Variants in PRKCQ observed in about 807,000 individuals in gnomAD.
The protein encoded by PRKCQ is protein kinase C theta type.
PRKCQ carries 41 observed loss-of-function variants against 91.2 expected under a neutral mutation model. The observed-to-expected ratio is 0.45, with a 90% confidence interval of 0.35 to 0.58. The LOEUF is 0.58. Ranked by LOEUF, PRKCQ falls within the 20% of genes least tolerant of loss-of-function variation. PRKCQ has a pLI of 0.00. For synonymous variants in PRKCQ, 307 were observed against 316.9 expected, an observed-to-expected ratio of 0.97 and a Z score of 0.33; for missense variants, 673 against 896.5, an observed-to-expected ratio of 0.75 and a Z score of 3.18.
At chr10:6,405,222 A>G in the PRKCQ span, among the ~76,000 whole-genome samples, 2 of 152,166 alleles carry the variant, frequency 1.3e-5, no homozygotes, top group African/African-American at 4.8e-5. Context: ...AGCTAAAGCA[A>G]TCTGCCCATC....
In PRKCQ at chr10:6,464,316, G is replaced by A. The variant is rs770093970; in HGVS notation, c.1442C>T (p.Ala481Val). 2.9e-5 allele frequency: 46 copies of A among 1,612,992 alleles called. No individual in the cohort carries two copies. In the Admixed American group the frequency reaches 3.2e-4, roughly 11 times the overall value. The change falls in exon 13 of 18, where the codon GCG (alanine) becomes GTG (valine). Residue 481 changes from alanine (A) to valine (V), a missense_variant. Ala to Val is a moderately conservative substitution (Grantham distance 64, BLOSUM62 0). Transcript: ENST00000263125. Reference protein sequence around the residue: ...QSCHKFDLSRATFYAAEIILG... With the variant: ...QSCHKFDLSRVTFYAAEIILG... ...CAAACCCTTTAAAGCCTCTTACGTCGCTCTGGAAAGGTCGAACTTGTGGCA... is the reference window on the plus strand; with the variant it reads ...CAAACCCTTTAAAGCCTCTTACGTCACTCTGGAAAGGTCGAACTTGTGGCA...
intron 15 of PRKCQ, among the ~76,000 whole-genome samples, chr10:6,449,478 G>A (rs1176712560): frequency 1.3e-5 from 2 of 152,294 alleles, no homozygotes; most frequent in East Asian, 1.9e-4. Context: ...GAAAGTGACA[G>A]GGAGAATGGA....
chr10:6,417,679 G>T, the PRKCQ span, among the ~76,000 whole-genome samples: 1 of 152,162 alleles, frequency 6.6e-6, no homozygotes, highest in African/African-American at 2.4e-5. Context: ...GAGTGGCCAC[G>T]TGAACATTCA....
At chr10:6,443,975 A>AT (rs1253312287) in intron 15 of PRKCQ, among the ~76,000 whole-genome samples, 1 of 152,184 alleles carries the variant, frequency 6.6e-6, no homozygotes, top group Admixed American at 6.5e-5. Context: ...GGGAGGGGGA[A>AT]TAGGGAGCTG....
chr10:6,396,920 T>TC, the PRKCQ span, among the ~76,000 whole-genome samples: 7 of 152,210 alleles, frequency 4.6e-5, no homozygotes, highest in Admixed American at 6.5e-5. Flanking sequence ...TTGGTTAATT[T>TC]CCCCACATCC....
In PRKCQ at chr10:6,430,614, A is replaced by T. The variant is rs1310881867; in HGVS notation, c.1965+196T>A. 1.3e-5 allele frequency among the ~76,000 whole-genome samples: 2 copies of T among 152,176 alleles called. No homozygotes were observed. The highest frequency in any genetic ancestry group is 2.4e-5 in the African/African-American group (1 of 41,438). ...CTTGACGACAGAGATTAAATTTTGC[A>T]AACAAGAGTGACCTCCCCTCCCTGC... On this transcript the variant is annotated intron_variant, in intron 17 of 17. Transcript: ENST00000263125. The surrounding 1 kb of genome is among the most constrained non-coding windows in gnomAD (Gnocchi z 4.7).
At chr10:6,486,656 C>A (rs1018210029) in intron 8 of PRKCQ, among the ~76,000 whole-genome samples, 3 of 152,240 alleles carry the variant, frequency 2.0e-5, no homozygotes, top group African/African-American at 7.2e-5. Context: ...TTTTCTTCTA[C>A]CAACAGCCGA....
At chr10:6,518,338 T>C (rs1181568995) in intron 1 of PRKCQ, among the ~76,000 whole-genome samples, 2 of 152,134 alleles carry the variant, frequency 1.3e-5, no homozygotes, top group African/African-American at 4.8e-5. Flanking sequence ...TAAAGGGAAA[T>C]GATCAGATCT....
At chr10:6,413,372 T>TATC in the PRKCQ span, among the ~76,000 whole-genome samples, 1 of 152,168 alleles carries the variant, frequency 6.6e-6, no homozygotes, top group Non-Finnish European at 1.5e-5. Context: ...ATAAAAACAG[T>TATC]ATCTCCCTAC....
intron 1 of PRKCQ, among the ~76,000 whole-genome samples, chr10:6,563,533 T>C (rs1840712841): frequency 6.6e-6 from 1 of 152,202 alleles, no homozygotes; most frequent in Admixed American, 6.5e-5. Flanking sequence ...TTACTTTCTA[T>C]GCTTGTTCGC....
At chr10:6,529,505 G>A (rs991573208) in intron 1 of PRKCQ, among the ~76,000 whole-genome samples, 4 of 152,154 alleles carry the variant, frequency 2.6e-5, no homozygotes, top group African/African-American at 9.7e-5. Context: ...AGGGACTCAG[G>A]TGCTCTGGTC....
At chr10:6,460,810 C>A (rs1835282687) in intron 14 of PRKCQ, among the ~76,000 whole-genome samples, 1 of 106,368 alleles carries the variant, frequency 9.4e-6, no homozygotes, top group African/African-American at 3.0e-5. Context: ...TTATTTATCT[C>A]CCCACCCATC....
At chr10:6,534,793 G>T (rs10906790) in intron 1 of PRKCQ, among the ~76,000 whole-genome samples, 6,369 of 91,398 alleles carry the variant, frequency 0.07, 414 homozygotes, top group East Asian at 0.17. Flanking sequence ...TATATATATA[G>T]ATATATATAT....
chr10:6,575,744 G>T (rs1452655680), intron 1 of PRKCQ, among the ~76,000 whole-genome samples: 1 of 152,166 alleles, frequency 6.6e-6, no homozygotes, highest in Non-Finnish European at 1.5e-5. Flanking sequence ...CTACTATAAA[G>T]AAGATTTTTA....
chr10:6,400,901 C>T, the PRKCQ span, among the ~76,000 whole-genome samples: 1 of 152,156 alleles, frequency 6.6e-6, no homozygotes, highest in Non-Finnish European at 1.5e-5. Flanking sequence ...ATGTTAGATG[C>T]TAAGAACAAC....
intron 1 of PRKCQ, among the ~76,000 whole-genome samples, chr10:6,520,240 C>T (rs1283340210): frequency 1.3e-5 from 2 of 152,186 alleles, no homozygotes; most frequent in Non-Finnish European, 2.9e-5. Flanking sequence ...TTGCCTTTTC[C>T]TTCATTTTGC....
rs188485109 is a variant in PRKCQ, at chr10:6,501,660, A to T, written c.380-3102T>A. ...AATATGGTGAAACCCCGTCTCTACT[A>T]AAAAAAATACAAAATTAGCTGGGCA... is the stretch of plus-strand genomic sequence containing the variant. On this transcript the variant is annotated intron_variant, in intron 4 of 17. Coordinates refer to ENST00000263125, the MANE Select transcript of PRKCQ (RefSeq NM_006257.5). 3.2e-3 allele frequency among the ~76,000 whole-genome samples: 490 copies of T among 151,640 alleles called. 1 individual carries two copies. The highest frequency in any genetic ancestry group is 0.011 in the African/African-American group (464 of 41,356).
chr10:6,514,160 G>A (rs1189276032), intron 2 of PRKCQ, among the ~76,000 whole-genome samples: 1 of 152,116 alleles, frequency 6.6e-6, no homozygotes, highest in East Asian at 1.9e-4. Context: ...CATAGTTACT[G>A]CAAGCCTGCA....
intron 3 of PRKCQ, among the ~76,000 whole-genome samples, chr10:6,508,168 G>A (rs1379623511): frequency 1.3e-5 from 2 of 152,212 alleles, no homozygotes; most frequent in Non-Finnish European, 2.9e-5. Flanking sequence ...TTTAAGGGAT[G>A]ATGTAGGATC....
Sources: allele counts gnomAD v4.1 joint callset (sites outside exome capture counted in the v4.1 genomes callset), GRCh38; gene constraint gnomAD v4.1.1; non-coding constraint Gnocchi (gnomAD v3.1); transcripts MANE v1.5; gene names NCBI Gene and HGNC (gene_info 2026-07-23, HGNC 2026-07-21).